Variants in RIPK4 observed in about 807,000 individuals in gnomAD.
RIPK4 encodes the protein receptor-interacting serine/threonine-protein kinase 4.
In RIPK4, 17 loss-of-function variants were observed where a neutral mutation model predicts 42.9. The observed-to-expected ratio is 0.40, with a 90% CI of 0.27 to 0.59. The LOEUF is 0.59. Among genes scored for constraint, RIPK4 ranks in the 20% least tolerant of loss-of-function variants. The probability of loss-of-function intolerance (pLI) is 0.47; values close to 1 mark genes in which losing one functional copy is unlikely to be tolerated. For missense variants in RIPK4, 897 were observed against 1,104.4 expected (o/e 0.81, Z 2.66); for synonymous variants, 498 against 499.1 (o/e 1.00, Z 0.03).
At chr21:41,763,264 TA>T (rs1278010330) in intron 1 of RIPK4, among the ~76,000 whole-genome samples, 1 of 152,176 alleles carries the variant, frequency 6.6e-6, no homozygotes, top group Non-Finnish European at 1.5e-5. Context: ...AGCCAAAGTG[TA>T]TTTCGCCCTC....
chr21:41,746,900 T>A lies in RIPK4; in HGVS notation c.674-129A>T. 3 of 1,026,774 alleles carry A rather than the reference T, an allele frequency of 2.9e-6. 1 individual carries two copies. The South Asian group carries it at 4.7e-5, about 16-fold the overall frequency. The allele number at this position is 1,026,774 out of a possible 1,614,324, so 63.6% of individuals were successfully genotyped here. On this transcript the variant is annotated intron_variant, in intron 4 of 7. Coordinates refer to ENST00000332512, the MANE Select transcript of RIPK4 (RefSeq NM_020639.3). Reference sequence around the variant, plus strand: ...CCCCACACCACCCCAGGGAGACGGCTCCCCCACTCCGTTTCAAAGGCAGAG... The same window carrying A: ...CCCCACACCACCCCAGGGAGACGGCACCCCCACTCCGTTTCAAAGGCAGAG...
chr21:41,749,350 A>C, intron 3 of RIPK4, 147 bp from the exon 4 acceptor site: 1 of 778,512 alleles, frequency 1.3e-6, no homozygotes. Context: ...CTGTTTTTAA[A>C]AAGAGAAAAT....
intron 4 of RIPK4, 171 bp from the exon 5 acceptor site, chr21:41,746,942 C>A: frequency 1.5e-6 from 1 of 680,606 alleles, no homozygotes; most frequent in Non-Finnish European, 2.4e-6. Flanking sequence ...GTAACCCTCA[C>A]CCTCATGGTG....
At position 41,755,607 on chromosome 21, in the gene RIPK4, C is replaced by T. The variant is rs1256683991; in HGVS notation, c.474+918G>A. On this transcript the variant is annotated intron_variant, in intron 2 of 7. Transcript: ENST00000332512. This position sits in a 1 kb window ranked among gnomAD's most constrained non-coding sequence, Gnocchi z 4.2. ...CAGCCAAGCCAGGCAGGGGACTCCTCTGCTTGTCCCCTGCATGAACTACAT... is the reference window on the plus strand; with the variant it reads ...CAGCCAAGCCAGGCAGGGGACTCCTTTGCTTGTCCCCTGCATGAACTACAT... 1.3e-5 allele frequency among the ~76,000 whole-genome samples: 2 copies of T among 152,196 alleles called. No homozygotes were observed. The highest frequency in any genetic ancestry group is 4.8e-5 in the African/African-American group (2 of 41,442).
rs1364369267 is a variant in RIPK4 at position 41,739,702 on chromosome 21, AC to A, written c.*1135del. On this transcript the variant is annotated 3_prime_UTR_variant, in exon 8 of 8. Coordinates refer to ENST00000332512, the MANE Select transcript of RIPK4 (RefSeq NM_020639.3). ...AGTGAAGTTACGAGGCTAGATGGCCACATCTTTTACATCCAAGAACCGCCCT... is the reference window on the plus strand; with the variant it reads ...AGTGAAGTTACGAGGCTAGATGGCCAATCTTTTACATCCAAGAACCGCCCT... 6.6e-6 allele frequency: 1 copy of A among 152,268 alleles called. No homozygotes were observed. 9.4% of individuals were successfully genotyped at this position (152,268 alleles called of 1,614,324 possible). A position where few individuals can be genotyped will look rare whatever the true frequency, so the allele number is the denominator to read the frequency against.
At chr21:41,758,124 C>T (rs1203763026) in intron 1 of RIPK4, among the ~76,000 whole-genome samples, 4 of 146,110 alleles carry the variant, frequency 2.7e-5, no homozygotes, top group African/African-American at 1.0e-4. Flanking sequence ...TTTAGCCATT[C>T]ACAGGTGTAC....
Position 41,741,571 on chromosome 21 carries a change from A to G in RIPK4, c.1622T>C (p.Met541Thr), listed in dbSNP as rs770810952. ...NEVDFEGRTP[M>T]HVACQHGQEN... ...CTGCCCGTGCTGGCAGGCCACGTGC[A>G]TGGGCGTCCGGCCCTCAAAGTCCAC... Residue 541 changes from methionine to threonine, a missense_variant, in exon 8 of 8, where the codon ATG becomes ACG. Physicochemically the swap from Met to Thr is moderately conservative, Grantham distance 81. Transcript: ENST00000332512. 15 of 1,611,916 alleles carry G rather than the reference A, an allele frequency of 9.3e-6. No individual in the cohort carries two copies. In the South Asian group the frequency reaches 1.4e-4, roughly 15 times the overall value.
intron 4 of RIPK4, 129 bp downstream of exon 4, chr21:41,749,025 A>T: frequency 1.1e-6 from 1 of 920,560 alleles, no homozygotes; most frequent in Non-Finnish European, 1.7e-6. Flanking sequence ...TGCAAATTAC[A>T]CCACAGAGCA....
At chr21:41,754,798 T>G (rs1352557177) in intron 2 of RIPK4, among the ~76,000 whole-genome samples, 2 of 151,980 alleles carry the variant, frequency 1.3e-5, no homozygotes, top group Non-Finnish European at 2.9e-5. Context: ...AAGTGACTGC[T>G]ACGTGCAGTG....
rs543763543 is a variant in RIPK4 at position 41,752,536 on chromosome 21, A to G, written c.475-1291T>C. 3.3e-5 allele frequency among the ~76,000 whole-genome samples: 5 copies of G among 152,054 alleles called. No individual in the cohort carries two copies. The South Asian group carries it at 8.3e-4, about 25-fold the overall frequency. On this transcript the variant is annotated intron_variant, in intron 2 of 7. Coordinates refer to ENST00000332512, the MANE Select transcript of RIPK4 (RefSeq NM_020639.3). ...GCGGCTCTCATGTCCTCCCACTTCC[A>G]TTTCTCCCAGGGCCTTCAGGCCTGC...
rs1367105268 is a variant in RIPK4 at position 41,745,816 on chromosome 21, T to A, written c.879A>T (p.Glu293Asp). The change falls in exon 6 of 8, where the codon GAA (glutamate) becomes GAT (aspartate). Residue 293 changes from glutamate to aspartate, a missense_variant. Physicochemically the swap from Glu to Asp is conservative, Grantham distance 45 (BLOSUM62 2). Transcript: ENST00000332512. ...TEDLCEKPDD[E>D]VKETAHDLDV... ...CCAGATCATGAGCAGTTTCTTTCAC[T>A]TCGTCATCAGGCTTTTCACACAGGT... 3.1e-6 allele frequency: 5 copies of A among 1,614,240 alleles called. No homozygotes were observed. Among genetic ancestry groups the A allele is most frequent in the South Asian group, 1.1e-5 (1 of 91,092 alleles).
Position 41,740,808 on chromosome 21 carries a change from C to G in RIPK4, c.*30G>C. 6.4e-7 allele frequency: 1 copy of G among 1,563,880 alleles called. No individual in the cohort carries two copies. The highest frequency in any genetic ancestry group is 8.6e-7 in the Non-Finnish European group (1 of 1,157,984). On this transcript the variant is annotated 3_prime_UTR_variant, in exon 8 of 8. Coordinates refer to ENST00000332512, the MANE Select transcript of RIPK4 (RefSeq NM_020639.3). ...AACACAGGACAGGACAAGAGCCCCACGTGGACCCCCGGTCTCCGCAGGCAG... is the reference window on the plus strand; with the variant it reads ...AACACAGGACAGGACAAGAGCCCCAGGTGGACCCCCGGTCTCCGCAGGCAG...
At chr21:41,761,769 G>A (rs1003916957) in intron 1 of RIPK4, among the ~76,000 whole-genome samples, 11 of 152,204 alleles carry the variant, frequency 7.2e-5, no homozygotes, top group Non-Finnish European at 1.5e-4. Flanking sequence ...CTTATTAAGT[G>A]GAAGCTCTGA....
chr21:41,764,437 G>A (rs2309107), intron 1 of RIPK4, among the ~76,000 whole-genome samples: 42,011 of 151,976 alleles, frequency 0.28, 6,204 homozygotes, highest in African/African-American at 0.35. Context: ...GCCCAGACCC[G>A]TGTGTCAGGG....
At chr21:41,763,405 C>A (rs74885313) in intron 1 of RIPK4, among the ~76,000 whole-genome samples, 3,080 of 152,220 alleles carry the variant, frequency 0.02, 92 homozygotes, top group African/African-American at 0.069. Flanking sequence ...GTGGACCAGG[C>A]CAGCTGCGGT....
At chr21:41,756,167 C>T (rs2061202745) in intron 2 of RIPK4, among the ~76,000 whole-genome samples, 1 of 152,174 alleles carries the variant, frequency 6.6e-6, no homozygotes, top group Admixed American at 6.5e-5. Context: ...CCTAAGGTCT[C>T]GCAAGGACAC....
intron 1 of RIPK4, among the ~76,000 whole-genome samples, chr21:41,762,878 C>T (rs546255995): frequency 3.9e-5 from 6 of 152,312 alleles, no homozygotes; most frequent in Admixed American, 3.3e-4. Context: ...CACATTCGCA[C>T]CGTCTCCAAA....
At chr21:41,758,074 A>T (rs1048691010) in intron 1 of RIPK4, among the ~76,000 whole-genome samples, 1 of 140,656 alleles carries the variant, frequency 7.1e-6, no homozygotes, top group Admixed American at 7.2e-5. Context: ...AGAGAGAGAG[A>T]GAAAATGTAG....
Position 41,751,141 on chromosome 21 carries a change from G to C in RIPK4, c.579C>G (p.Ile193Met), listed in dbSNP as rs1395293656. ...GTIAYLPPERIREKSRLFDTK... is the reference protein window; with the variant it reads ...GTIAYLPPERMREKSRLFDTK... ...TGTCGAAGAGCCGGCTCTTCTCCCT[G>C]ATGCGCTCTGGAGGGAGGTAGGCGA... Residue 193 changes from isoleucine (I) to methionine (M), a missense_variant, in exon 3 of 8, where the codon ATC (isoleucine) becomes ATG (methionine). Coordinates refer to ENST00000332512, the MANE Select transcript of RIPK4 (RefSeq NM_020639.3). This position sits in a 1 kb window ranked among gnomAD's most constrained non-coding sequence, Gnocchi z 4.5. The C allele has an allele frequency of 8.1e-6, 13 of 1,614,100 alleles. No homozygotes were observed. In the Admixed American group the frequency reaches 8.3e-5, roughly 10 times the overall value.
Sources: allele counts gnomAD v4.1 joint callset (sites outside exome capture counted in the v4.1 genomes callset), GRCh38; gene constraint gnomAD v4.1.1; non-coding constraint Gnocchi (gnomAD v3.1); transcripts MANE v1.5; gene names NCBI Gene and HGNC (gene_info 2026-07-23, HGNC 2026-07-21).